Variants in TNNI3K observed in about 807,000 individuals in gnomAD.
The protein encoded by TNNI3K is serine/threonine-protein kinase TNNI3K.
TNNI3K carries 140 observed loss-of-function variants against 114.5 expected under a neutral mutation model. The observed-to-expected ratio is 1.22, with a 90% confidence interval of 1.07 to 1.41. The LOEUF (loss-of-function observed/expected upper bound fraction) is 1.41, where lower values mean the gene tolerates loss of function less well. TNNI3K is among the 40% of genes most tolerant of loss of function. The pLI, the probability that TNNI3K is intolerant of heterozygous loss-of-function variation, is 0.00. For missense variants in TNNI3K, 1,125 were observed against 1,007.6 expected (o/e 1.12, Z -1.58); for synonymous variants, 347 against 347.5 (o/e 1.00, Z 0.02).
At chr1:74,450,808 A>G (rs1343118767) in intron 20 of TNNI3K, among the ~76,000 whole-genome samples, 2 of 152,190 alleles carry the variant, frequency 1.3e-5, no homozygotes, top group Non-Finnish European at 2.9e-5. Context: ...GGGTATGTAA[A>G]TTGGTTCAAC....
At chr1:74,471,206 C>T (rs980160482) in intron 21 of TNNI3K, 3 of 400,546 alleles carry the variant, frequency 7.5e-6, no homozygotes, top group African/African-American at 2.1e-5. Flanking sequence ...AGCAGGGGGG[C>T]ACGTTTAGTG....
At chr1:74,425,192 G>T (rs2100643250) in intron 17 of TNNI3K, among the ~76,000 whole-genome samples, 1 of 152,214 alleles carries the variant, frequency 6.6e-6, no homozygotes, top group South Asian at 2.1e-4. Context: ...GAGGGATAAA[G>T]TGAAGAGTGT....
chr1:74,291,917 A>G (rs1460630871), intron 5 of TNNI3K, among the ~76,000 whole-genome samples: 1 of 151,466 alleles, frequency 6.6e-6, no homozygotes, highest in Non-Finnish European at 1.5e-5. Flanking sequence ...TTTCCTTATT[A>G]ATAATATACA....
At chr1:74,298,403 TAAAG>T (rs1658119108) in intron 5 of TNNI3K, among the ~76,000 whole-genome samples, 2 of 152,156 alleles carry the variant, frequency 1.3e-5, no homozygotes, top group South Asian at 4.1e-4. Context: ...CATTTTAAAA[TAAAG>T]AATTGTCATT....
chr1:74,425,119 G>A (rs1203864549), intron 17 of TNNI3K, among the ~76,000 whole-genome samples: 1 of 152,122 alleles, frequency 6.6e-6, no homozygotes, highest in Non-Finnish European at 1.5e-5. Flanking sequence ...TAAGGCAGAA[G>A]TCATTGGTGT....
intron 17 of TNNI3K, among the ~76,000 whole-genome samples, chr1:74,397,296 A>G (rs530370893): frequency 1.3e-5 from 2 of 152,164 alleles, no homozygotes; most frequent in African/African-American, 2.4e-5. Flanking sequence ...AGAGAGAGAG[A>G]TAATGTAAAA....
At chr1:74,394,238 A>G (rs1047810704) in intron 17 of TNNI3K, among the ~76,000 whole-genome samples, 11 of 152,198 alleles carry the variant, frequency 7.2e-5, no homozygotes, top group African/African-American at 2.4e-4. Flanking sequence ...AGATGTTTCA[A>G]ATCAGTGGTT....
intron 12 of TNNI3K, 29 bp downstream of exon 12, chr1:74,367,371 A>C (rs202160205): frequency 1.2e-6 from 2 of 1,606,802 alleles, no homozygotes; most frequent in African/African-American, 2.7e-5. Flanking sequence ...AGTTTTCATT[A>C]TTGTATAATA....
chr1:74,477,952 C>A (rs1668288020), intron 21 of TNNI3K, among the ~76,000 whole-genome samples: 1 of 152,100 alleles, frequency 6.6e-6, no homozygotes, highest in Non-Finnish European at 1.5e-5. Context: ...TTTTATCTAC[C>A]AGTTCATAGT....
intron 23 of TNNI3K, 119 bp from the exon 24 acceptor site, chr1:74,540,115 C>A: frequency 9.7e-7 from 1 of 1,034,592 alleles, no homozygotes; most frequent in Non-Finnish European, 1.4e-6. Flanking sequence ...AAGATAAAAG[C>A]TGCTTTGTAT....
At chr1:74,378,293 A>G (rs1663008787) in intron 17 of TNNI3K, among the ~76,000 whole-genome samples, 1 of 151,902 alleles carries the variant, frequency 6.6e-6, no homozygotes, top group African/African-American at 2.4e-5. Flanking sequence ...TAATTTATTA[A>G]TATTTACAAT....
chr1:74,440,564 A>G (rs1666331727), intron 20 of TNNI3K, among the ~76,000 whole-genome samples: 1 of 151,606 alleles, frequency 6.6e-6, no homozygotes, highest in Non-Finnish European at 1.5e-5. Flanking sequence ...CTCATACTCT[A>G]TTTTGGAGTT....
intron 17 of TNNI3K, among the ~76,000 whole-genome samples, chr1:74,402,852 C>T (rs943905324): frequency 6.6e-6 from 1 of 152,138 alleles, no homozygotes; most frequent in Non-Finnish European, 1.5e-5. Context: ...TGTAAACTTT[C>T]TTAAAACATT....
chr1:74,390,964 C>G (rs199888459), intron 17 of TNNI3K, among the ~76,000 whole-genome samples: 1 of 5,556 alleles, frequency 1.8e-4, no homozygotes, highest in African/African-American at 6.4e-4. Context: ...TATTTTTTTC[C>G]GAAAAAAAAA....
At chr1:74,472,911 T>A (rs1668007167) in intron 21 of TNNI3K, among the ~76,000 whole-genome samples, 1 of 152,090 alleles carries the variant, frequency 6.6e-6, no homozygotes, top group Non-Finnish European at 1.5e-5. Context: ...AAATTCCTCT[T>A]CATGTTACAA....
At chr1:74,408,750 T>C (rs534733363) in intron 17 of TNNI3K, among the ~76,000 whole-genome samples, 2 of 152,326 alleles carry the variant, frequency 1.3e-5, no homozygotes, top group African/African-American at 2.4e-5. Context: ...AAGTCCCTGC[T>C]TCAAATCCAA....
intron 4 of TNNI3K, among the ~76,000 whole-genome samples, chr1:74,260,937 A>G (rs1655625985): frequency 6.6e-6 from 1 of 152,092 alleles, no homozygotes; most frequent in African/African-American, 2.4e-5. Flanking sequence ...TTGGAAAACA[A>G]CCAGTGTTAA....
At chr1:74,543,685 T>C (rs1487107799) in intron 24 of TNNI3K, among the ~76,000 whole-genome samples, 1 of 152,204 alleles carries the variant, frequency 6.6e-6, no homozygotes, top group Non-Finnish European at 1.5e-5. Flanking sequence ...CCTGGCCAGC[T>C]TGGGTCCAAA....
intron 5 of TNNI3K, among the ~76,000 whole-genome samples, chr1:74,284,739 T>G (rs929202636): frequency 1.2e-4 from 19 of 152,220 alleles, no homozygotes; most frequent in African/African-American, 4.6e-4. Flanking sequence ...GCACATTTTT[T>G]TGTGTGAAAA....
Sources: gnomAD v4.1 joint callset for allele counts (sites outside exome capture counted in the v4.1 genomes callset) on GRCh38, gnomAD v4.1.1 for gene constraint, MANE v1.5 for transcripts, NCBI Gene and HGNC (gene_info 2026-07-23, HGNC 2026-07-21) for gene names.